Variants in LAMB1 observed in about 807,000 individuals in gnomAD.
LAMB1 encodes laminin subunit beta 1.
In LAMB1, 121 loss-of-function variants were observed where a neutral mutation model predicts 222.3. The ratio of observed to expected loss-of-function variants is 0.54; its 90% CI spans 0.47 to 0.63. The LOEUF is 0.63. Among genes scored for constraint, LAMB1 ranks in the 30% least tolerant of loss-of-function variants. The pLI is 0.00. For missense variants in LAMB1, 2,172 were observed against 2,240.8 expected, an observed-to-expected ratio of 0.97 and a Z score of 0.62; for synonymous variants, 794 against 807.2, an observed-to-expected ratio of 0.98 and a Z score of 0.28.
At chr7:107,970,402 C>T (rs938229566) in intron 13 of LAMB1, among the ~76,000 whole-genome samples, 1 of 146,538 alleles carries the variant, frequency 6.8e-6, no homozygotes, top group Non-Finnish European at 1.5e-5. Context: ...GTGGGAGAAT[C>T]GCTTGAACCC....
In LAMB1 at chr7:107,953,571, C is replaced by T. The variant is rs141390544; in HGVS notation, c.3038G>A (p.Arg1013Gln). The T allele has an allele frequency of 3.8e-4, 620 of 1,614,126 alleles. No homozygotes were observed. The highest frequency in any genetic ancestry group is 3.5e-4 in the Non-Finnish European group (418 of 1,180,022). Residue 1013 changes from arginine to glutamine, a missense_variant, in exon 22 of 34, where the codon CGG becomes CAG. By Grantham distance (43) the Arg-to-Gln change is conservative. Transcript: ENST00000222399. The stretch of plus-strand genomic sequence containing the variant: ...GAGGGCATCACCATAGTATCCAAAC[C>T]GGCAGAACTGACAGTGTTCCCCTTC... ...HTEGEHCQFCRFGYYGDALQQ... is the reference protein window; with the variant it reads ...HTEGEHCQFCQFGYYGDALQQ...
chr7:107,938,446 G>A (rs1401838044), intron 25 of LAMB1, among the ~76,000 whole-genome samples: 4 of 151,710 alleles, frequency 2.6e-5, no homozygotes, highest in Non-Finnish European at 2.9e-5. Flanking sequence ...ATCTAACATC[G>A]TATTTTAAAA....
At chr7:107,982,585 C>T (rs6965515) in intron 7 of LAMB1, among the ~76,000 whole-genome samples, 4,622 of 152,252 alleles carry the variant, frequency 0.03, 96 homozygotes, top group Non-Finnish European at 0.036. Flanking sequence ...ACAAAATGAG[C>T]ACAAGCGCCT....
In LAMB1 at chr7:107,929,225, A is replaced by G; in HGVS notation, c.4746-20T>C. 2 of 1,613,282 alleles carry G rather than the reference A, an allele frequency of 1.2e-6. No individual in the cohort carries two copies. The highest frequency in any genetic ancestry group is 1.7e-6 in the Non-Finnish European group (2 of 1,179,514). On this transcript the variant is annotated intron_variant, in intron 30 of 33. Transcript: ENST00000222399. ...CTTTTGCTGAGTAAAAAATAATGAG[A>G]CAGTATATTGTTGCTGAACATGAAA...
At position 107,935,357 on chromosome 7, in the gene LAMB1, T is replaced by TG. The variant is rs372331129; in HGVS notation, c.4188+57_4188+58insC. 509 of 452,582 alleles carry TG rather than the reference T, an allele frequency of 1.1e-3. 1 individual carries two copies. The highest frequency in any genetic ancestry group is 8.4e-3 in the South Asian group (129 of 15,278). 28.0% of individuals were successfully genotyped at this position (452,582 alleles called of 1,614,324 possible). On this transcript the variant is annotated intron_variant, in intron 27 of 33. Coordinates refer to ENST00000222399, the MANE Select transcript of LAMB1 (RefSeq NM_002291.3). ...GGTTTGTTTTTCTTTGTTTTTTTTT[T>TG]TTTTTTTTTTTTTTTTGCTTGGCAC...
At position 107,935,431 on chromosome 7, in the gene LAMB1, G is replaced by T; in HGVS notation, c.4172C>A (p.Ser1391Ter). ...AAACCTTACCATTTCGGCAGCGGCT[G>T]AAAGGTCTAGGCTTTGTAGCTTGCC... ...LAGKLQSLDL[S>*]AAAEMTCGTP... Residue 1391 changes from serine to a stop codon, truncating the protein, a stop_gained, in exon 27 of 34, where the codon TCA becomes TAA. Transcript: ENST00000222399. LOFTEE classifies it high-confidence loss of function. The T allele has an allele frequency of 6.3e-7, 1 of 1,581,190 alleles. No homozygotes were observed. The highest frequency in any genetic ancestry group is 1.1e-5 in the South Asian group (1 of 90,540).
intron 25 of LAMB1, 47 bp downstream of exon 25, chr7:107,939,942 A>AT (rs1562978873): frequency 6.3e-7 from 1 of 1,575,342 alleles, no homozygotes; most frequent in Non-Finnish European, 8.6e-7. Flanking sequence ...AACTCACAAT[A>AT]TTTTTTCAGC....
At chr7:107,985,649 A>G (rs2034060779) in intron 7 of LAMB1, among the ~76,000 whole-genome samples, 1 of 147,718 alleles carries the variant, frequency 6.8e-6, no homozygotes. Context: ...AAACAAAACA[A>G]AACAAACAAA....
intron 29 of LAMB1, 99 bp downstream of exon 29, chr7:107,931,257 T>A: frequency 7.3e-5 from 70 of 954,312 alleles, no homozygotes; most frequent in East Asian, 1.3e-4. Flanking sequence ...TATTTGGAAA[T>A]GTCACTTAGT....
At chr7:107,954,258 A>G (rs1487531930) in intron 21 of LAMB1, among the ~76,000 whole-genome samples, 1 of 151,924 alleles carries the variant, frequency 6.6e-6, no homozygotes, top group Admixed American at 6.6e-5. Context: ...GGGCTCAAGG[A>G]ATTCTCCCAC....
intron 24 of LAMB1, among the ~76,000 whole-genome samples, chr7:107,949,787 G>A (rs988977540): frequency 1.3e-5 from 2 of 152,172 alleles, no homozygotes; most frequent in East Asian, 1.9e-4. Flanking sequence ...TTTTTCTGCT[G>A]TTAAGGAACA....
chr7:107,964,585 G>A lies in LAMB1; in HGVS notation c.1665C>T (p.Tyr555=). 6.2e-7 allele frequency: 1 copy of A among 1,614,166 alleles called. No individual in the cohort carries two copies. The highest frequency in any genetic ancestry group is 2.2e-5 in the East Asian group (1 of 44,878). The change falls in exon 14 of 34, where the codon TAC becomes TAT. Residue 555 remains tyrosine (Y), a synonymous_variant. Transcript: ENST00000222399. ...PGYYFATLDH[Y]LYEAEEANLG... ...AGTTGGCTTCCTCCGCTTCATAGAG[G>A]TAGTGATCCAGGGTGGCAAAGTAGT...
chr7:107,951,975 C>T (rs763323257), intron 23 of LAMB1, 34 bp downstream of exon 23: 1 of 1,563,904 alleles, frequency 6.4e-7, no homozygotes, highest in Middle Eastern at 2.2e-4. Flanking sequence ...CACCTGAGCT[C>T]ATAAAGGCAT....
At chr7:107,993,921 G>T in intron 5 of LAMB1, among the ~76,000 whole-genome samples, 1 of 152,136 alleles carries the variant, frequency 6.6e-6, no homozygotes, top group East Asian at 1.9e-4. Context: ...CAGAGGCACA[G>T]CCCAGCATCC....
intron 9 of LAMB1, among the ~76,000 whole-genome samples, chr7:107,976,992 C>CCTTTTCTTTCCTCTCT: frequency 1.1e-5 from 1 of 90,278 alleles, no homozygotes; most frequent in African/African-American, 4.3e-5. Context: ...CTTTCCTCTT[C>CCTTTTCTTTCCTCTCT]CTCCTTCCTT....
At chr7:107,998,049 T>C (rs976390915) in intron 4 of LAMB1, among the ~76,000 whole-genome samples, 1 of 152,088 alleles carries the variant, frequency 6.6e-6, no homozygotes, top group African/African-American at 2.4e-5. Flanking sequence ...GGGCCTGAGA[T>C]AGTACCCATA....
chr7:107,992,353 G>A (rs558157052), intron 5 of LAMB1, among the ~76,000 whole-genome samples: 2 of 152,334 alleles, frequency 1.3e-5, no homozygotes, highest in South Asian at 2.1e-4. Context: ...TTATTTGCAA[G>A]TATATCTTTC....
At chr7:107,986,812 A>C (rs1242470612) in intron 5 of LAMB1, among the ~76,000 whole-genome samples, 2 of 152,246 alleles carry the variant, frequency 1.3e-5, no homozygotes, top group African/African-American at 4.8e-5. Flanking sequence ...AATGAGGTGC[A>C]GATATGGGTG....
chr7:107,947,086 G>A (rs561414200), intron 24 of LAMB1, among the ~76,000 whole-genome samples: 3 of 152,142 alleles, frequency 2.0e-5, no homozygotes, highest in African/African-American at 4.8e-5. Flanking sequence ...TCTCCAGCAC[G>A]TTCATGGTGG....
Sources: allele counts gnomAD v4.1 joint callset (sites outside exome capture counted in the v4.1 genomes callset), GRCh38; gene constraint gnomAD v4.1.1; transcripts MANE v1.5; gene names NCBI Gene and HGNC (gene_info 2026-07-23, HGNC 2026-07-21).